ADAMTSL3: variants seen among roughly 807,000 people sequenced by gnomAD.
ADAMTSL3 encodes ADAMTS like 3.
In ADAMTSL3, 128 loss-of-function variants were observed where a neutral mutation model predicts 201.7. The observed-to-expected ratio is 0.63, with a 90% CI of 0.55 to 0.73. The LOEUF (loss-of-function observed/expected upper bound fraction) is 0.73. Ranked by LOEUF, ADAMTSL3 falls within the 30% of genes least tolerant of loss-of-function variation. The pLI is 0.00. For missense variants in ADAMTSL3, 1,990 were observed against 2,119.6 expected (o/e 0.94, Z 1.20); for synonymous variants, 738 against 748.4 (o/e 0.99, Z 0.23).
chr15:83,909,478 T>C (rs1312182276), intron 15 of ADAMTSL3, among the ~76,000 whole-genome samples: 3 of 152,220 alleles, frequency 2.0e-5, no homozygotes, highest in African/African-American at 7.2e-5. Context: ...AAGAATCCAG[T>C]TATCTTCAAT....
At chr15:83,882,599 T>C (rs2065297340) in intron 9 of ADAMTSL3, among the ~76,000 whole-genome samples, 1 of 152,214 alleles carries the variant, frequency 6.6e-6, no homozygotes, top group South Asian at 2.1e-4. Context: ...ACAATCTTTT[T>C]GTGTCGGAAA....
chr15:83,804,606 T>A, intron 4 of ADAMTSL3, 44 bp from the exon 5 acceptor site: 4 of 1,202,698 alleles, frequency 3.3e-6, no homozygotes, highest in Non-Finnish European at 4.7e-6. Context: ...TTGCCTCTTC[T>A]ATGAAATCAT....
intron 3 of ADAMTSL3, among the ~76,000 whole-genome samples, chr15:83,773,227 C>G (rs2063013572): frequency 6.6e-6 from 1 of 152,014 alleles, no homozygotes; most frequent in Admixed American, 6.6e-5. Context: ...ACCTGGCCAA[C>G]ATGGCAAAAC....
At chr15:83,818,449 C>T (rs1424871651) in intron 5 of ADAMTSL3, among the ~76,000 whole-genome samples, 4 of 152,174 alleles carry the variant, frequency 2.6e-5, no homozygotes, top group Non-Finnish European at 5.9e-5. Flanking sequence ...GCCTCAGCCT[C>T]ATGAACAGCT....
At chr15:83,744,585 A>T (rs922245018) in intron 3 of ADAMTSL3, among the ~76,000 whole-genome samples, 4 of 152,206 alleles carry the variant, frequency 2.6e-5, no homozygotes, top group Non-Finnish European at 5.9e-5. Context: ...TCACATACTT[A>T]TCATTGTTTT....
intron 25 of ADAMTSL3, among the ~76,000 whole-genome samples, chr15:84,019,117 T>C (rs202165501): frequency 1.8e-5 from 1 of 55,966 alleles, no homozygotes; most frequent in East Asian, 8.2e-4. Flanking sequence ...ACACACACAG[T>C]GGGCAACAGA....
chr15:83,727,761 T>A (rs1374517857), intron 3 of ADAMTSL3, among the ~76,000 whole-genome samples: 2 of 152,032 alleles, frequency 1.3e-5, no homozygotes, highest in Non-Finnish European at 2.9e-5. Context: ...AATTTTTTTT[T>A]AAAGACCTGT....
intron 19 of ADAMTSL3, among the ~76,000 whole-genome samples, chr15:83,944,445 A>T (rs1195386340): frequency 6.6e-6 from 1 of 152,096 alleles, no homozygotes; most frequent in African/African-American, 2.4e-5. Context: ...ATCAGAACTA[A>T]CCTCAAGAAA....
intron 3 of ADAMTSL3, among the ~76,000 whole-genome samples, chr15:83,754,917 A>G (rs2062695010): frequency 6.6e-6 from 1 of 152,224 alleles, no homozygotes; most frequent in African/African-American, 2.4e-5. Context: ...ATTTTAGTCA[A>G]TGGTACTTAA....
intron 5 of ADAMTSL3, among the ~76,000 whole-genome samples, chr15:83,805,484 G>A (rs1326318029): frequency 1.3e-5 from 2 of 151,820 alleles, no homozygotes; most frequent in East Asian, 3.9e-4. Flanking sequence ...TTGAACCCAG[G>A]AGGTGAAGCT....
At chr15:83,978,449 T>C (rs2067326148) in intron 20 of ADAMTSL3, among the ~76,000 whole-genome samples, 1 of 152,342 alleles carries the variant, frequency 6.6e-6, no homozygotes, top group Middle Eastern at 3.4e-3. Context: ...AGGAGGGTGC[T>C]GCAGTTGGTA....
chr15:84,037,833 G>A lies in ADAMTSL3; in HGVS notation c.*27G>A, dbSNP rs752343971. ...CCTTTGGAGGGGTCATGATGCTGCT[G>A]TGAAGATAAAAGTAGAATATAAAAG... is the stretch of plus-strand genomic sequence containing the variant. On this transcript the variant is annotated 3_prime_UTR_variant, in exon 30 of 30. Transcript: ENST00000286744. 3.8e-6 allele frequency: 6 copies of A among 1,585,558 alleles called. No homozygotes were observed. Among genetic ancestry groups the A allele is most frequent in the Non-Finnish European group, 5.1e-6 (6 of 1,172,852 alleles).
intron 23 of ADAMTSL3, 72 bp from the exon 24 acceptor site, chr15:84,014,470 G>C: frequency 7.3e-7 from 1 of 1,374,006 alleles, no homozygotes; most frequent in Non-Finnish European, 1.0e-6. Context: ...ACAGTGAATG[G>C]TATTTGTCAA....
At chr15:83,756,925 C>T (rs1404319388) in intron 3 of ADAMTSL3, among the ~76,000 whole-genome samples, 11 of 152,336 alleles carry the variant, frequency 7.2e-5, no homozygotes, top group African/African-American at 2.6e-4. Context: ...TCTCCTTTGA[C>T]TCCATCTCTC....
At chr15:83,778,204 A>G (rs535170019) in intron 4 of ADAMTSL3, among the ~76,000 whole-genome samples, 2 of 152,326 alleles carry the variant, frequency 1.3e-5, no homozygotes, top group South Asian at 2.1e-4. Context: ...GTTTCAGGAT[A>G]TCATCCATGA....
intron 2 of ADAMTSL3, among the ~76,000 whole-genome samples, chr15:83,683,731 G>T (rs1251436605): frequency 6.6e-6 from 1 of 152,136 alleles, no homozygotes; most frequent in Non-Finnish European, 1.5e-5. Context: ...ACTGTACCCG[G>T]CGCCTCCTTC....
chr15:83,836,771 C>T (rs1596297364), intron 6 of ADAMTSL3, among the ~76,000 whole-genome samples: 2 of 152,268 alleles, frequency 1.3e-5, no homozygotes, highest in East Asian at 1.9e-4. Flanking sequence ...CTCTATTTTA[C>T]TGTTGAGGAA....
chr15:83,689,438 T>G (rs17158697), intron 2 of ADAMTSL3, among the ~76,000 whole-genome samples: 6,768 of 152,318 alleles, frequency 0.044, 480 homozygotes, highest in African/African-American at 0.15. Flanking sequence ...TATGTATCCC[T>G]AAATAATATA....
intron 29 of ADAMTSL3, 75 bp downstream of exon 29, chr15:84,037,062 C>G (rs865907947): frequency 2.8e-6 from 4 of 1,449,654 alleles, no homozygotes; most frequent in Middle Eastern, 3.9e-4. Flanking sequence ...ACCATCACGG[C>G]ACCAAACCCT....
Sources: allele counts gnomAD v4.1 joint callset (sites outside exome capture counted in the v4.1 genomes callset), GRCh38; gene constraint gnomAD v4.1.1; transcripts MANE v1.5; gene names NCBI Gene and HGNC (gene_info 2026-07-23, HGNC 2026-07-21).